The following DCC variants were observed in gnomAD, a reference collection of about 807,000 sequenced individuals.
DCC encodes the protein netrin receptor DCC.
DCC carries 58 observed loss-of-function variants against 172.5 expected under a neutral mutation model. The ratio of observed to expected loss-of-function variants is 0.34; its 90% CI spans 0.27 to 0.42. The LOEUF is 0.42. Ranked by LOEUF, DCC falls within the 10% of genes least tolerant of loss-of-function variation. DCC has a pLI of 1.00. For synonymous variants in DCC, 709 were observed against 644.5 expected, an observed-to-expected ratio of 1.10 and a Z score of -1.52; for missense variants, 1,740 against 1,791.0, an observed-to-expected ratio of 0.97 and a Z score of 0.51.
chr18:52,762,019 C>T (rs548242360), intron 2 of DCC, among the ~76,000 whole-genome samples: 117 of 151,926 alleles, frequency 7.7e-4, no homozygotes, highest in African/African-American at 2.4e-3. Context: ...TCTTAACCAG[C>T]GCTTATTGTG....
In DCC at chr18:53,058,812, T is replaced by C. The variant is rs541169844; in HGVS notation, c.986-4493T>C. On this transcript the variant is annotated intron_variant, in intron 5 of 28. Transcript: ENST00000442544. Reference sequence around the variant, plus strand: ...ATACAGTGCAGAAGAAACCAAGTCTTAAAATAAATACCACAGGGTTTCCAA... The same window carrying C: ...ATACAGTGCAGAAGAAACCAAGTCTCAAAATAAATACCACAGGGTTTCCAA... Among the ~76,000 whole-genome samples the C allele has an allele frequency of 8.5e-5, 13 of 152,182 alleles. No homozygotes were observed. In the South Asian group the frequency reaches 2.5e-3, roughly 29 times the overall value.
intron 7 of DCC, among the ~76,000 whole-genome samples, chr18:53,141,927 T>C (rs2043836701): frequency 6.6e-6 from 1 of 152,208 alleles, no homozygotes; most frequent in South Asian, 2.1e-4. Flanking sequence ...TATGTCCATA[T>C]GCTCATATGC....
At chr18:53,520,502 C>T (rs1006521509) in intron 27 of DCC, among the ~76,000 whole-genome samples, 1 of 152,048 alleles carries the variant, frequency 6.6e-6, no homozygotes, top group Non-Finnish European at 1.5e-5. Context: ...AGGCATGTCT[C>T]ATAGCCCCAT....
chr18:52,478,054 C>T (rs1989144560), intron 1 of DCC, among the ~76,000 whole-genome samples: 1 of 152,126 alleles, frequency 6.6e-6, no homozygotes, highest in Non-Finnish European at 1.5e-5. Flanking sequence ...AAGTGATCCT[C>T]CTACCTTGGC....
At chr18:53,138,877 T>C (rs1446176924) in intron 7 of DCC, among the ~76,000 whole-genome samples, 1 of 152,194 alleles carries the variant, frequency 6.6e-6, no homozygotes, top group African/African-American at 2.4e-5. Context: ...ATGACAATTA[T>C]ACAATACTTA....
chr18:53,247,319 G>C (rs1357265783), intron 12 of DCC, among the ~76,000 whole-genome samples: 1 of 152,020 alleles, frequency 6.6e-6, no homozygotes, highest in Non-Finnish European at 1.5e-5. Context: ...TGTCCAGAAA[G>C]AAGACACCGT....
chr18:52,493,343 C>CT (rs963885175), intron 1 of DCC, among the ~76,000 whole-genome samples: 2 of 151,938 alleles, frequency 1.3e-5, no homozygotes, highest in East Asian at 1.9e-4. Flanking sequence ...GTAAACTCAT[C>CT]TTTTTTTCAA....
At chr18:52,507,670 C>T (rs2031280467) in intron 1 of DCC, among the ~76,000 whole-genome samples, 1 of 152,146 alleles carries the variant, frequency 6.6e-6, no homozygotes, top group African/African-American at 2.4e-5. Context: ...CAATGTGTCC[C>T]CAGCTAAACC....
At position 52,974,712 on chromosome 18, in the gene DCC, A is replaced by G. The variant is rs150141193; in HGVS notation, c.985+49342A>G. On this transcript the variant is annotated intron_variant, in intron 5 of 28. Transcript: ENST00000442544. The stretch of plus-strand genomic sequence containing the variant: ...TTTTCCACTTGCAATGTAGACAGCT[A>G]ATTTTTATTTTTCAGTTTTCATTTT... 7.2e-5 allele frequency among the ~76,000 whole-genome samples: 11 copies of G among 152,296 alleles called. No homozygotes were observed. In the East Asian group the frequency reaches 1.9e-3, roughly 27 times the overall value.
At chr18:52,367,424 G>A (rs1448085247) in intron 1 of DCC, among the ~76,000 whole-genome samples, 1 of 152,232 alleles carries the variant, frequency 6.6e-6, no homozygotes, top group Non-Finnish European at 1.5e-5. Flanking sequence ...GGTGCCAAGA[G>A]CAAGCGAGGG....
chr18:53,465,046 T>A (rs1024619411), intron 24 of DCC, among the ~76,000 whole-genome samples: 9 of 151,462 alleles, frequency 5.9e-5, no homozygotes, highest in African/African-American at 1.9e-4. Context: ...CTAGAGTTAC[T>A]TTTTTGGAGT....
intron 2 of DCC, among the ~76,000 whole-genome samples, chr18:52,818,422 A>G (rs1326903889): frequency 7.1e-6 from 1 of 139,912 alleles, no homozygotes; most frequent in Non-Finnish European, 1.6e-5. Flanking sequence ...AAAAAGTAAA[A>G]AAAAAAAAAA....
chr18:52,927,116 C>A (rs796455543), intron 5 of DCC, among the ~76,000 whole-genome samples: 1 of 85,446 alleles, frequency 1.2e-5, no homozygotes, highest in Non-Finnish European at 2.6e-5. Flanking sequence ...CACGTATATA[C>A]GTGTATATAC....
chr18:52,704,867 C>T (rs2036179959), intron 1 of DCC, among the ~76,000 whole-genome samples: 1 of 152,152 alleles, frequency 6.6e-6, no homozygotes, highest in Admixed American at 6.5e-5. Flanking sequence ...TTCATTTAGC[C>T]TCCCTTATGT....
At chr18:52,557,523 T>A (rs2032943286) in intron 1 of DCC, among the ~76,000 whole-genome samples, 1 of 152,224 alleles carries the variant, frequency 6.6e-6, no homozygotes, top group Non-Finnish European at 1.5e-5. Context: ...TGAGTTATTT[T>A]AAATAATAAT....
At chr18:52,718,811 C>T (rs1306931465) in intron 1 of DCC, among the ~76,000 whole-genome samples, 2 of 152,126 alleles carry the variant, frequency 1.3e-5, no homozygotes, top group Non-Finnish European at 2.9e-5. Context: ...TCAGTTTCTT[C>T]TTCGGTAACT....
At chr18:53,446,779 C>T (rs566011952) in intron 22 of DCC, among the ~76,000 whole-genome samples, 4 of 152,266 alleles carry the variant, frequency 2.6e-5, no homozygotes, top group South Asian at 4.1e-4. Flanking sequence ...TCTGTCTTCT[C>T]GTTTCAGCCC....
intron 1 of DCC, among the ~76,000 whole-genome samples, chr18:52,573,177 T>C (rs573998185): frequency 6.6e-6 from 1 of 152,252 alleles, no homozygotes; most frequent in South Asian, 2.1e-4. Context: ...TAATAAATCT[T>C]GTATGGTTAA....
At chr18:53,222,329 C>T (rs1002607620) in intron 12 of DCC, among the ~76,000 whole-genome samples, 5 of 151,944 alleles carry the variant, frequency 3.3e-5, no homozygotes, top group Admixed American at 6.6e-5. Flanking sequence ...AGCAGCCCTT[C>T]CTAAAGTCTA....
Sources: gnomAD v4.1 joint callset for allele counts (sites outside exome capture counted in the v4.1 genomes callset) on GRCh38, gnomAD v4.1.1 for gene constraint, MANE v1.5 for transcripts, NCBI Gene and HGNC (gene_info 2026-07-23, HGNC 2026-07-21) for gene names.